Variants in SLC47A1 observed in about 807,000 individuals in gnomAD.
The protein encoded by SLC47A1 is solute carrier family 47 member 1.
SLC47A1 carries 58 observed loss-of-function variants against 65.8 expected under a neutral mutation model. The ratio of observed to expected loss-of-function variants is 0.88; its 90% CI spans 0.71 to 1.10. The LOEUF (loss-of-function observed/expected upper bound fraction) is 1.10. SLC47A1 is among the 50% of genes least tolerant of loss of function. The pLI, the probability that SLC47A1 is intolerant of heterozygous loss-of-function variation, is 0.00. For synonymous variants in SLC47A1, 285 were observed against 295.0 expected, an observed-to-expected ratio of 0.97 and a Z score of 0.35; for missense variants, 706 against 719.2, an observed-to-expected ratio of 0.98 and a Z score of 0.21.
intron 6 of SLC47A1, among the ~76,000 whole-genome samples, chr17:19,553,555 T>C (rs896966718): frequency 2.0e-5 from 3 of 150,812 alleles, no homozygotes; most frequent in Non-Finnish European, 3.0e-5. Flanking sequence ...CTTTTTTTTT[T>C]TTTTTTTTGA....
chr17:19,573,996 C>T (rs1376430690), intron 16 of SLC47A1, among the ~76,000 whole-genome samples: 1 of 150,542 alleles, frequency 6.6e-6, no homozygotes, highest in African/African-American at 2.5e-5. Flanking sequence ...GATCTCAGCT[C>T]ACTGCAACCT....
At chr17:19,561,197 C>A (rs867570783) in intron 12 of SLC47A1, among the ~76,000 whole-genome samples, 15 of 148,684 alleles carry the variant, frequency 1.0e-4, no homozygotes, top group African/African-American at 3.5e-4. Flanking sequence ...GGCAGAGGTG[C>A]CAGTGAGCCA....
At chr17:19,569,843 T>G (rs1304073078) in intron 14 of SLC47A1, among the ~76,000 whole-genome samples, 1 of 152,222 alleles carries the variant, frequency 6.6e-6, no homozygotes, top group African/African-American at 2.4e-5. Flanking sequence ...GTGGTTCAGG[T>G]GAGCTTGTAG....
chr17:19,555,604 T>G lies in SLC47A1; in HGVS notation c.653T>G (p.Leu218Arg), dbSNP rs1344661224. The part of the protein sequence containing the change: ...QLHLGVIGSA[L>R]ANLISQYTLA... ...ACTGTTCTTTCCAGAGGCTCTGCAC[T>G]GGCAAACTTGATTTCCCAGTACACC... The change falls in exon 8 of 17, where the codon CTG (leucine) becomes CGG (arginine). Residue 218 changes from leucine (L) to arginine (R), a missense_variant. By Grantham distance (102) the Leu-to-Arg change is moderately radical. Transcript: ENST00000270570. 6.2e-7 allele frequency: 1 copy of G among 1,614,194 alleles called. No individual in the cohort carries two copies. Among genetic ancestry groups the G allele is most frequent in the Non-Finnish European group, 8.5e-7 (1 of 1,180,032 alleles).
Position 19,560,193 on chromosome 17 carries a change from T to C in SLC47A1, c.927T>C (p.Pro309=), listed in dbSNP as rs781550013. 1 of 1,611,168 alleles carries C rather than the reference T, an allele frequency of 6.2e-7. No individual in the cohort carries two copies. Among genetic ancestry groups the C allele is most frequent in the Non-Finnish European group, 8.5e-7 (1 of 1,179,192 alleles). The change falls in exon 11 of 17, where the codon CCT becomes CCC. Residue 309 remains proline (P), a synonymous_variant. Coordinates refer to ENST00000270570, the MANE Select transcript of SLC47A1 (RefSeq NM_018242.3). Reference sequence around the variant, plus strand: ...AGGTTTCCTTTTTATTTTAGGTCCCTGCAGGCTTCAGTGTGGCTGCCAGTG... The same window carrying C: ...AGGTTTCCTTTTTATTTTAGGTCCCCGCAGGCTTCAGTGTGGCTGCCAGTG... ...YELAIIVYMV[P]AGFSVAASVR...
intron 10 of SLC47A1, among the ~76,000 whole-genome samples, chr17:19,556,847 G>A (rs752814172): frequency 2.6e-5 from 4 of 152,134 alleles, no homozygotes; most frequent in Non-Finnish European, 5.9e-5. Flanking sequence ...GTGAGCCACC[G>A]CGCCTGACTT....
intron 12 of SLC47A1, among the ~76,000 whole-genome samples, chr17:19,564,037 G>T (rs1329328422): frequency 5.4e-5 from 8 of 149,138 alleles, no homozygotes; most frequent in Admixed American, 5.4e-4. Flanking sequence ...ACATTGAAAA[G>T]AATATATTTG....
At chr17:19,568,435 A>G (rs780373365) in intron 14 of SLC47A1, among the ~76,000 whole-genome samples, 38 of 152,170 alleles carry the variant, frequency 2.5e-4, no homozygotes, top group Non-Finnish European at 3.5e-4. Flanking sequence ...TTTTAAAGTA[A>G]TGTATTTTAT....
At chr17:19,577,296 T>C (rs769875299) in intron 16 of SLC47A1, 31 bp from the exon 17 acceptor site, 5 of 1,607,822 alleles carry the variant, frequency 3.1e-6, no homozygotes, top group Non-Finnish European at 4.2e-6. Flanking sequence ...AAAAATCCCT[T>C]TTAAGCTGCT....
intron 10 of SLC47A1, among the ~76,000 whole-genome samples, chr17:19,558,794 G>C (rs1020711067): frequency 6.6e-6 from 1 of 152,106 alleles, no homozygotes; most frequent in Admixed American, 6.6e-5. Flanking sequence ...GGTTTCTCCT[G>C]TCAAGTTACT....
At chr17:19,567,558 A>T (rs1186089932) in intron 14 of SLC47A1, among the ~76,000 whole-genome samples, 3 of 152,206 alleles carry the variant, frequency 2.0e-5, no homozygotes, top group Non-Finnish European at 4.4e-5. Context: ...GGGACCGCTG[A>T]AGAAGCATTT....
At chr17:19,534,392 C>T (rs796643094) in intron 1 of SLC47A1, 1 of 299,120 alleles carries the variant, frequency 3.3e-6, no homozygotes, top group Non-Finnish European at 6.2e-6. Context: ...GAGCTGGGAC[C>T]TTTGCCCCTA....
chr17:19,543,486 G>A (rs892343414), intron 2 of SLC47A1, among the ~76,000 whole-genome samples: 1 of 152,104 alleles, frequency 6.6e-6, no homozygotes, highest in Non-Finnish European at 1.5e-5. Context: ...ACAGTAAAAG[G>A]GGAGTTCAGT....
Position 19,576,164 on chromosome 17 carries a change from TG to T in SLC47A1, c.1487-1159del, listed in dbSNP as rs2084437858. ...TGGGTTTGTCTGGCTTTTATGTAGA[TG>T]GGGAAAAGTCTCTTTCAAGGCCTGT... On this transcript the variant is annotated intron_variant, in intron 16 of 16. Coordinates refer to ENST00000270570, the MANE Select transcript of SLC47A1 (RefSeq NM_018242.3). Among the ~76,000 whole-genome samples the T allele has an allele frequency of 4.6e-5, 7 of 151,572 alleles. No homozygotes were observed. In the South Asian group the frequency reaches 1.5e-3, roughly 32 times the overall value.
At position 19,555,974 on chromosome 17, in the gene SLC47A1, AC is replaced by A; in HGVS notation, c.854-20del. On this transcript the variant is annotated intron_variant, in intron 9 of 16. Coordinates refer to ENST00000270570, the MANE Select transcript of SLC47A1 (RefSeq NM_018242.3). Reference sequence around the variant, plus strand: ...GGGGGCCCTGTCTGGGTGCAAGGCGACAGCTGTCTTTCTTCACCAGGCATCC... The same window carrying A: ...GGGGGCCCTGTCTGGGTGCAAGGCGAAGCTGTCTTTCTTCACCAGGCATCC... 6.2e-7 allele frequency: 1 copy of A among 1,614,134 alleles called. No homozygotes were observed.
intron 12 of SLC47A1, among the ~76,000 whole-genome samples, chr17:19,566,243 TCAGG>T (rs2152316515): frequency 6.6e-6 from 1 of 152,332 alleles, no homozygotes; most frequent in South Asian, 2.1e-4. Context: ...CTCTGCGATT[TCAGG>T]CATCCACTGG....
At position 19,578,406 on chromosome 17, in the gene SLC47A1, G is replaced by A. The variant is rs552574489; in HGVS notation, c.*853G>A. On this transcript the variant is annotated 3_prime_UTR_variant, in exon 17 of 17. Transcript: ENST00000270570. ...ACCAGGGTCTACCCTTTGTTTCCCA[G>A]GCTGGTCTTGAATTCCTGGGATCAA... 5.9e-6 allele frequency: 1 copy of A among 169,740 alleles called. No homozygotes were observed. The highest frequency in any genetic ancestry group is 1.3e-4 in the South Asian group (1 of 7,794). The allele number at this position is 169,740 out of a possible 1,614,324, so 10.5% of individuals were successfully genotyped here.
At chr17:19,549,421 ACTC>A (rs1916383251) in intron 4 of SLC47A1, among the ~76,000 whole-genome samples, 1 of 151,816 alleles carries the variant, frequency 6.6e-6, no homozygotes, top group South Asian at 2.1e-4. Context: ...CTGGTCTCGA[ACTC>A]CTCAGCTCAT....
intron 16 of SLC47A1, among the ~76,000 whole-genome samples, chr17:19,576,626 C>T (rs986942322): frequency 1.1e-4 from 16 of 152,098 alleles, no homozygotes; most frequent in African/African-American, 3.9e-4. Context: ...GAATTACGGG[C>T]GTGAGCCATC....
Sources: gnomAD v4.1 joint callset for allele counts (sites outside exome capture counted in the v4.1 genomes callset) on GRCh38, gnomAD v4.1.1 for gene constraint, MANE v1.5 for transcripts, NCBI Gene and HGNC (gene_info 2026-07-23, HGNC 2026-07-21) for gene names.